CYP7B1: variants seen among roughly 807,000 people sequenced by gnomAD.
CYP7B1 encodes the protein cytochrome P450 family 7 subfamily B member 1.
CYP7B1 carries 29 observed loss-of-function variants against 42.7 expected under a neutral mutation model. The observed-to-expected ratio is 0.68, with a 90% CI of 0.51 to 0.93. The LOEUF (loss-of-function observed/expected upper bound fraction) is 0.93, where lower values mean the gene tolerates loss of function less well. Among genes scored for constraint, CYP7B1 ranks in the 40% least tolerant of loss-of-function variants. CYP7B1 has a pLI of 0.00. For missense variants in CYP7B1, 655 were observed against 600.5 expected (o/e 1.09, Z -0.95); for synonymous variants, 235 against 218.2 (o/e 1.08, Z -0.68).
intron 1 of CYP7B1, among the ~76,000 whole-genome samples, chr8:64,651,707 TGC>T (rs1806041690): frequency 3.9e-5 from 6 of 152,200 alleles, no homozygotes; most frequent in Non-Finnish European, 7.3e-5. Flanking sequence ...TTACCTCTTC[TGC>T]CATATGAGAA....
At chr8:64,700,836 C>A (rs1806905136) in intron 1 of CYP7B1, among the ~76,000 whole-genome samples, 1 of 152,118 alleles carries the variant, frequency 6.6e-6, no homozygotes, top group Non-Finnish European at 1.5e-5. Context: ...CACACACTTC[C>A]AATTCTTAAG....
chr8:64,737,282 T>C (rs1807504041), intron 1 of CYP7B1, among the ~76,000 whole-genome samples: 1 of 152,148 alleles, frequency 6.6e-6, no homozygotes, highest in African/African-American at 2.4e-5. Context: ...TTAAAGATTA[T>C]CCCTCAATAT....
intron 1 of CYP7B1, among the ~76,000 whole-genome samples, chr8:64,644,111 A>G (rs530647261): frequency 6.6e-6 from 1 of 152,198 alleles, no homozygotes; most frequent in East Asian, 1.9e-4. Context: ...CGTCTCTACT[A>G]AAAATACAAA....
chr8:64,594,567 A>G lies in CYP7B1; in HGVS notation c.*2075T>C, dbSNP rs1219656187. Reference sequence around the variant, plus strand: ...GTGGGTATTAGGGACAAAACAGAATAAGTAAATAAAGCCAGAGGGACCTTA... The same window carrying G: ...GTGGGTATTAGGGACAAAACAGAATGAGTAAATAAAGCCAGAGGGACCTTA... On this transcript the variant is annotated 3_prime_UTR_variant, in exon 6 of 6. Coordinates refer to ENST00000310193, the MANE Select transcript of CYP7B1 (RefSeq NM_004820.5). Among the ~76,000 whole-genome samples, 1 of 152,224 alleles carries G rather than the reference A, an allele frequency of 6.6e-6. No individual in the cohort carries two copies. Among genetic ancestry groups the G allele is most frequent in the Non-Finnish European group, 1.5e-5 (1 of 68,046 alleles).
intron 1 of CYP7B1, among the ~76,000 whole-genome samples, chr8:64,716,664 G>C (rs564595037): frequency 3.9e-5 from 6 of 152,078 alleles, no homozygotes; most frequent in Non-Finnish European, 7.4e-5. Flanking sequence ...CCAAGATCAC[G>C]CCACTGCACT....
At chr8:64,789,427 G>C (rs1804581819) in intron 1 of CYP7B1, among the ~76,000 whole-genome samples, 1 of 152,058 alleles carries the variant, frequency 6.6e-6, no homozygotes, top group Admixed American at 6.6e-5. Flanking sequence ...ATCTTGATAA[G>C]GCAGTAAGAG....
At position 64,604,835 on chromosome 8, in the gene CYP7B1, TA is replaced by T. The variant is rs762842997; in HGVS notation, c.1079del (p.Leu360TyrfsTer17). The T allele has an allele frequency of 2.5e-6, 4 of 1,613,962 alleles. No homozygotes were observed. The highest frequency in any genetic ancestry group is 3.4e-6 in the Non-Finnish European group (4 of 1,180,022). On this transcript the variant is annotated frameshift_variant, in exon 5 of 6. Transcript: ENST00000310193. LOFTEE classifies it high-confidence loss of function. ...ICLESSIFEA[L>X]RLSSYSTTIR... ...TGGTGGTTGAATATGAGGACAGTCG[TA>T]AAGCTTCAAAAATGCTGCTTTCTGA...
chr8:64,794,415 C>T (rs1159581436), intron 1 of CYP7B1, among the ~76,000 whole-genome samples: 2 of 152,170 alleles, frequency 1.3e-5, no homozygotes, highest in Admixed American at 1.3e-4. Flanking sequence ...TTGCAAAATA[C>T]CATAAACTTA....
chr8:64,775,353 G>C (rs920619315), intron 1 of CYP7B1, among the ~76,000 whole-genome samples: 1 of 152,064 alleles, frequency 6.6e-6, no homozygotes, highest in Admixed American at 6.6e-5. Context: ...TGGAGCCAAT[G>C]AGTTATATTC....
chr8:64,685,290 G>A (rs1361881479), intron 1 of CYP7B1, among the ~76,000 whole-genome samples: 2 of 139,192 alleles, frequency 1.4e-5, no homozygotes, highest in African/African-American at 2.7e-5. Flanking sequence ...CTGCCACCCC[G>A]TCTGGGAAGT....
chr8:64,761,227 T>C (rs1490911598), intron 1 of CYP7B1, among the ~76,000 whole-genome samples: 2 of 152,140 alleles, frequency 1.3e-5, no homozygotes, highest in Non-Finnish European at 2.9e-5. Context: ...GGTACAAACA[T>C]TCAGCTGTAA....
chr8:64,781,247 T>G (rs1378409547), intron 1 of CYP7B1, among the ~76,000 whole-genome samples: 9 of 152,130 alleles, frequency 5.9e-5, no homozygotes, highest in Admixed American at 6.6e-5. Context: ...TTTTCACCCT[T>G]TGAACCTCCT....
intron 5 of CYP7B1, among the ~76,000 whole-genome samples, chr8:64,602,920 TG>T (rs1805223760): frequency 6.6e-6 from 1 of 152,204 alleles, no homozygotes; most frequent in African/African-American, 2.4e-5. Flanking sequence ...TCTATAAAAC[TG>T]GTTCTGAGCT....
intron 1 of CYP7B1, among the ~76,000 whole-genome samples, chr8:64,717,479 T>C (rs931036635): frequency 3.9e-5 from 6 of 152,220 alleles, no homozygotes; most frequent in Admixed American, 3.3e-4. Context: ...CTATTCTACC[T>C]TTAGGTAGTC....
intron 1 of CYP7B1, among the ~76,000 whole-genome samples, chr8:64,746,370 TC>T (rs1188985706): frequency 1.3e-5 from 2 of 152,176 alleles, no homozygotes; most frequent in Non-Finnish European, 2.9e-5. Context: ...GAAAAATCAG[TC>T]CAGGGAATTG....
chr8:64,598,685 C>A (rs1297964608), intron 5 of CYP7B1, among the ~76,000 whole-genome samples: 1 of 152,150 alleles, frequency 6.6e-6, no homozygotes, highest in Non-Finnish European at 1.5e-5. Context: ...ACGGCAAACA[C>A]GTGATGCAGG....
chr8:64,644,019 A>C (rs917533769), intron 1 of CYP7B1, among the ~76,000 whole-genome samples: 8 of 152,200 alleles, frequency 5.3e-5, no homozygotes, highest in Admixed American at 5.2e-4. Flanking sequence ...TCACGCCTGT[A>C]ATCTCAGCAC....
chr8:64,746,433 A>T (rs960135899), intron 1 of CYP7B1, among the ~76,000 whole-genome samples: 2 of 152,196 alleles, frequency 1.3e-5, no homozygotes, highest in South Asian at 2.1e-4. Context: ...CTCATCACTC[A>T]TTTACAGAAT....
intron 1 of CYP7B1, among the ~76,000 whole-genome samples, chr8:64,628,770 C>T (rs536936237): frequency 9.9e-5 from 15 of 152,270 alleles, no homozygotes; most frequent in African/African-American, 3.1e-4. Flanking sequence ...AGACATTTCT[C>T]TTTAGTTAAG....
Sources: allele counts gnomAD v4.1 joint callset (sites outside exome capture counted in the v4.1 genomes callset), GRCh38; gene constraint gnomAD v4.1.1; transcripts MANE v1.5; gene names NCBI Gene and HGNC (gene_info 2026-07-23, HGNC 2026-07-21).